Variants in COL18A1 observed in about 807,000 individuals in gnomAD.
The protein encoded by COL18A1 is collagen type XVIII alpha 1 chain.
A neutral mutation model predicts 168.0 loss-of-function variants in COL18A1; 133 were observed. That is an observed-to-expected ratio of 0.79 (90% CI 0.69 to 0.91). The LOEUF (loss-of-function observed/expected upper bound fraction) is 0.91, where lower values mean the gene tolerates loss of function less well. Among genes scored for constraint, COL18A1 ranks in the 40% least tolerant of loss-of-function variants. COL18A1 has a pLI of 0.00. For missense variants in COL18A1, 2,126 were observed against 1,925.4 expected (o/e 1.10, Z -1.95); for synonymous variants, 949 against 809.0 (o/e 1.17, Z -2.94).
At chr21:45,489,647 A>G in intron 19 of COL18A1, 126 bp downstream of exon 19, 1 of 669,690 alleles carries the variant, frequency 1.5e-6, no homozygotes, top group East Asian at 3.0e-5. Context: ...GTTTCTTTAT[A>G]ATTGAAGACG....
rs755671130 is a variant in COL18A1, at chr21:45,510,254, A to C, written c.3686A>C (p.Asn1229Thr). 6 of 1,604,226 alleles carry C rather than the reference A, an allele frequency of 3.7e-6. No homozygotes were observed. The highest frequency in any genetic ancestry group is 1.7e-5 in the Admixed American group (1 of 59,094). ...RADRAAVPIV[N>T]LKDELLFPSW... Reference sequence around the variant, plus strand: ...GACCGCGCAGCCGTGCCCATCGTCAACCTCAAGGTGGGTCAGTCCAGTCCT... The same window carrying C: ...GACCGCGCAGCCGTGCCCATCGTCACCCTCAAGGTGGGTCAGTCCAGTCCT... Residue 1229 changes from asparagine to threonine, a missense_variant, in exon 40 of 42, where the codon AAC (asparagine) becomes ACC (threonine). Physicochemically the swap from Asn to Thr is moderately conservative, Grantham distance 65. Coordinates refer to ENST00000651438, the MANE Select transcript of COL18A1 (RefSeq NM_001379500.1).
chr21:45,474,001 C>A lies in COL18A1; in HGVS notation c.738+20C>A. 6.4e-7 allele frequency: 1 copy of A among 1,559,770 alleles called. No individual in the cohort carries two copies. Among genetic ancestry groups the A allele is most frequent in the Non-Finnish European group, 8.7e-7 (1 of 1,148,220 alleles). On this transcript the variant is annotated intron_variant, in intron 4 of 41. Transcript: ENST00000651438. ...GATGGGGTGAGTGACATCTGGGGCA[C>A]GGGTGGGGTCTCCCCTCAATCCCTG...
intron 31 of COL18A1, 39 bp from the exon 32 acceptor site, chr21:45,497,560 G>C: frequency 1.3e-6 from 2 of 1,551,264 alleles, no homozygotes; most frequent in Non-Finnish European, 1.7e-6. Context: ...AGTCCTCCCT[G>C]GCACATTCCT....
intron 36 of COL18A1, 72 bp downstream of exon 36, chr21:45,505,503 G>T: frequency 1.2e-6 from 1 of 815,532 alleles, no homozygotes; most frequent in South Asian, 1.4e-5. Flanking sequence ...CTGCCCCTCA[G>T]AGACACTCTC....
intron 2 of COL18A1, chr21:45,407,459 C>T (rs1260447318): frequency 6.6e-6 from 1 of 152,290 alleles, no homozygotes; most frequent in African/African-American, 2.4e-5. Context: ...TCCCTGTAAT[C>T]AGGAACCTGG....
intron 2 of COL18A1, among the ~76,000 whole-genome samples, chr21:45,408,874 G>C (rs962997097): frequency 2.6e-5 from 4 of 152,218 alleles, no homozygotes; most frequent in Admixed American, 1.3e-4. Flanking sequence ...TCACAGCTGT[G>C]GGGGATGGAG....
chr21:45,489,408 C>A, intron 18 of COL18A1, 78 bp from the exon 19 acceptor site: 1 of 1,083,128 alleles, frequency 9.2e-7, no homozygotes, highest in Non-Finnish European at 1.4e-6. Flanking sequence ...ACTCACCCTT[C>A]CCTTCACCCG....
chr21:45,477,801 C>A lies in COL18A1; in HGVS notation c.1057C>A (p.Arg353=), dbSNP rs369114408. ...GEPGVPGPPG[R]AGPPGSPCLP... is the part of the protein sequence containing the mutation. ...GCCAGGTGTTCCGGGCCCACCTGGC[C>A]GGGCAGGCCCCCCAGGATCCCCATG... is the stretch of plus-strand genomic sequence containing the variant. The change falls in exon 8 of 42, where the codon CGG becomes AGG. Residue 353 remains arginine, a synonymous_variant. Coordinates refer to ENST00000651438, the MANE Select transcript of COL18A1 (RefSeq NM_001379500.1). 1 of 1,549,220 alleles carries A rather than the reference C, an allele frequency of 6.5e-7. No homozygotes were observed. The highest frequency in any genetic ancestry group is 2.0e-5 in the Admixed American group (1 of 51,014).
intron 8 of COL18A1, 49 bp downstream of exon 8, chr21:45,478,014 C>T: frequency 9.5e-7 from 1 of 1,047,914 alleles, no homozygotes; most frequent in South Asian, 1.4e-5. Context: ...AGGGTGGGGG[C>T]TTGGGTAGGA....
intron 27 of COL18A1, 128 bp downstream of exon 27, chr21:45,494,699 G>C (rs371223550): frequency 1.4e-5 from 20 of 1,441,560 alleles, no homozygotes; most frequent in South Asian, 4.6e-5. Flanking sequence ...GTTTTAAAGC[G>C]TGTGGGGCAG....
chr21:45,465,658 T>C (rs116349872), intron 2 of COL18A1, among the ~76,000 whole-genome samples: 1,607 of 152,244 alleles, frequency 0.011, 26 homozygotes, highest in African/African-American at 0.037. Flanking sequence ...GAGGGGGCTG[T>C]GCTGGAGGGC....
At chr21:45,490,516 GCCCAC>G in intron 20 of COL18A1, among the ~76,000 whole-genome samples, 170 bp downstream of exon 20, 5 of 149,630 alleles carry the variant, frequency 3.3e-5, no homozygotes, top group South Asian at 2.1e-4. Flanking sequence ...GCCTCCGTGT[GCCCAC>G]TCCCGGGTCT....
At chr21:45,467,007 A>G (rs905262888) in intron 2 of COL18A1, among the ~76,000 whole-genome samples, 6 of 152,182 alleles carry the variant, frequency 3.9e-5, no homozygotes, top group Non-Finnish European at 5.9e-5. Context: ...AACAGCTGCC[A>G]TCTGGGTGGA....
At chr21:45,486,317 CTT>C (rs1201630827) in intron 15 of COL18A1, among the ~76,000 whole-genome samples, 1 of 139,174 alleles carries the variant, frequency 7.2e-6, no homozygotes, top group Non-Finnish European at 1.5e-5. Context: ...TCTCTCCTCT[CTT>C]CTCCCCTCGC....
chr21:45,492,377 G>T (rs569216042), intron 22 of COL18A1, among the ~76,000 whole-genome samples, 158 bp from the exon 23 acceptor site: 1 of 152,376 alleles, frequency 6.6e-6, no homozygotes, highest in South Asian at 2.1e-4. Flanking sequence ...AGGGGCGTCT[G>T]TGCTGCAGGA....
intron 2 of COL18A1, chr21:45,421,144 C>T: frequency 3.0e-6 from 1 of 337,016 alleles, no homozygotes; most frequent in South Asian, 2.3e-5. Context: ...CCCTGCACTC[C>T]TCAGGCTCCT....
intron 2 of COL18A1, chr21:45,422,556 A>G (rs754949025): frequency 2.0e-6 from 1 of 510,792 alleles, no homozygotes; most frequent in Non-Finnish European, 4.0e-6. Context: ...GCAGGGCAGC[A>G]AAAGGCATCT....
rs770217817 is a variant in COL18A1, at chr21:45,468,447, C to T, written c.312C>T (p.Gly104=). The change falls in exon 3 of 42, where the codon GGC becomes GGT. Residue 104 remains glycine, a synonymous_variant. Coordinates refer to ENST00000651438, the MANE Select transcript of COL18A1 (RefSeq NM_001379500.1). ...TCCACATCCGGCCAGCCACAGAGGG[C>T]CCAGGGGTGCTGTTCGCCATCACGG... is the stretch of plus-strand genomic sequence containing the variant. The part of the protein sequence containing the change: ...LLFHIRPATE[G]PGVLFAITDS... 5.0e-6 allele frequency: 8 copies of T among 1,614,102 alleles called. No homozygotes were observed. The highest frequency in any genetic ancestry group is 1.1e-5 in the South Asian group (1 of 91,088).
At chr21:45,415,900 G>C (rs1359143049) in intron 2 of COL18A1, among the ~76,000 whole-genome samples, 1 of 152,214 alleles carries the variant, frequency 6.6e-6, no homozygotes, top group Non-Finnish European at 1.5e-5. Flanking sequence ...TCAGCCCTGA[G>C]GGTACTTGCC....
Sources: allele counts gnomAD v4.1 joint callset (sites outside exome capture counted in the v4.1 genomes callset), GRCh38; gene constraint gnomAD v4.1.1; transcripts MANE v1.5; gene names NCBI Gene and HGNC (gene_info 2026-07-23, HGNC 2026-07-21).